The following CDCP1 variants were observed in gnomAD, a reference collection of about 807,000 sequenced individuals.
CDCP1 encodes the protein CUB domain containing protein 1, also known as CUB domain-containing protein 1.
CDCP1 carries 29 observed loss-of-function variants against 60.2 expected under a neutral mutation model. The ratio of observed to expected loss-of-function variants is 0.48; its 90% CI spans 0.36 to 0.66. CDCP1 has a LOEUF of 0.66. Ranked by LOEUF, CDCP1 falls within the 30% of genes least tolerant of loss-of-function variation. The pLI, the probability that CDCP1 is intolerant of heterozygous loss-of-function variation, is 0.00. For missense variants in CDCP1, 876 were observed against 1,074.3 expected, an observed-to-expected ratio of 0.82 and a Z score of 2.58; for synonymous variants, 387 against 431.1, an observed-to-expected ratio of 0.90 and a Z score of 1.27.
chr3:45,092,402 G>C (rs1187884515), intron 6 of CDCP1, among the ~76,000 whole-genome samples: 1 of 152,154 alleles, frequency 6.6e-6, no homozygotes, highest in Non-Finnish European at 1.5e-5. Flanking sequence ...AAAGCTGAAA[G>C]AGCTCCTGAC....
At chr3:45,137,388 C>T (rs1576122768) in intron 1 of CDCP1, among the ~76,000 whole-genome samples, 1 of 152,144 alleles carries the variant, frequency 6.6e-6, no homozygotes, top group South Asian at 2.1e-4. Context: ...CTGCCTGGAA[C>T]TTGAGTTGTA....
chr3:45,113,823 G>A (rs7638635), intron 2 of CDCP1, among the ~76,000 whole-genome samples: 24,371 of 152,204 alleles, frequency 0.16, 1,972 homozygotes, highest in Middle Eastern at 0.25. Flanking sequence ...TAGACTTTGC[G>A]TGTTAGTAAA....
intron 1 of CDCP1, among the ~76,000 whole-genome samples, chr3:45,124,907 C>G (rs543810158): frequency 6.6e-6 from 1 of 152,102 alleles, no homozygotes; most frequent in Non-Finnish European, 1.5e-5. Flanking sequence ...CTGCAGGGAG[C>G]GAGTGTTGAA....
intron 1 of CDCP1, among the ~76,000 whole-genome samples, chr3:45,135,351 G>A (rs1393765286): frequency 6.6e-6 from 1 of 151,910 alleles, no homozygotes; most frequent in East Asian, 2.0e-4. Context: ...GAGAGATTGT[G>A]GGGCAGAGCA....
At chr3:45,124,010 T>G (rs76234383) in intron 1 of CDCP1, among the ~76,000 whole-genome samples, 5,382 of 152,290 alleles carry the variant, frequency 0.035, 301 homozygotes, top group African/African-American at 0.12. Flanking sequence ...TCAGCTCTCC[T>G]GCCTCCTGAC....
chr3:45,090,707 T>C (rs77543320), intron 7 of CDCP1, among the ~76,000 whole-genome samples: 1 of 152,154 alleles, frequency 6.6e-6, no homozygotes, highest in Non-Finnish European at 1.5e-5. Flanking sequence ...CCTAAAAGTA[T>C]CAAAAGACCT....
chr3:45,096,227 C>T (rs1423316553), intron 4 of CDCP1, among the ~76,000 whole-genome samples: 12 of 152,158 alleles, frequency 7.9e-5, no homozygotes, highest in Admixed American at 7.2e-4. Flanking sequence ...TGAGTGCCCA[C>T]GTTTAACTGC....
chr3:45,103,057 T>A (rs1467802157), intron 4 of CDCP1, among the ~76,000 whole-genome samples: 1 of 152,140 alleles, frequency 6.6e-6, no homozygotes, highest in African/African-American at 2.4e-5. Flanking sequence ...GTTATATCCA[T>A]TGTATCAATC....
intron 2 of CDCP1, among the ~76,000 whole-genome samples, chr3:45,115,241 T>C (rs867030635): frequency 1.3e-4 from 1 of 7,654 alleles, no homozygotes. Context: ...TGGGGTGGGG[T>C]GGGGCGGGGA....
intron 4 of CDCP1, among the ~76,000 whole-genome samples, chr3:45,106,363 C>T (rs1698565474): frequency 6.6e-6 from 1 of 152,188 alleles, no homozygotes; most frequent in Admixed American, 6.5e-5. Context: ...TCTGCCTTTG[C>T]TCTTATTTCT....
At chr3:45,142,271 A>T (rs1699303413) in intron 1 of CDCP1, among the ~76,000 whole-genome samples, 1 of 151,734 alleles carries the variant, frequency 6.6e-6, no homozygotes, top group African/African-American at 2.4e-5. Context: ...TCCTCTCCCT[A>T]CCCACTCCCC....
chr3:45,132,793 A>G (rs546068854), intron 1 of CDCP1, among the ~76,000 whole-genome samples: 1 of 152,326 alleles, frequency 6.6e-6, no homozygotes, highest in Non-Finnish European at 1.5e-5. Flanking sequence ...GATCATTACC[A>G]TTCCGACAGA....
In CDCP1 at chr3:45,146,236, G is replaced by T. The variant is rs78109643; in HGVS notation, c.52C>A (p.Leu18Met). The change falls in exon 1 of 9, where the codon CTG becomes ATG. Residue 18 changes from leucine to methionine, a missense_variant. By Grantham distance (15) the Leu-to-Met change is conservative. This residue lies in a region of CDCP1 where 150 missense variants were observed against 138.6 expected (regional missense o/e 1.08). Coordinates refer to ENST00000296129, the MANE Select transcript of CDCP1 (RefSeq NM_022842.5). ...VSIALLGVLL[L>M]GAARLPRGAE... is the part of the protein sequence containing the mutation. ...CCGCGCGGCAGGCGCGCCGCACCCA[G>T]CAGCAGAACCCCTAGCAGTGCGATA... is the stretch of plus-strand genomic sequence containing the variant. The T allele has an allele frequency of 1.3e-4, 204 of 1,598,692 alleles. No individual in the cohort carries two copies. In the East Asian group the frequency reaches 4.3e-3, roughly 34 times the overall value.
At position 45,090,265 on chromosome 3, in the gene CDCP1, G is replaced by A. The variant is rs534042318; in HGVS notation, c.1993+908C>T. Among the ~76,000 whole-genome samples the A allele has an allele frequency of 1.2e-4, 18 of 152,122 alleles. No individual in the cohort carries two copies. The South Asian group carries it at 3.1e-3, about 26-fold the overall frequency. ...TTCTGATTCTGACACTGTGATGCTC[G>A]GTGCCTTCACTGAGTAAAGGGCAGA... On this transcript the variant is annotated intron_variant, in intron 7 of 8. Transcript: ENST00000296129.
At chr3:45,107,921 A>G (rs1326811814) in intron 4 of CDCP1, among the ~76,000 whole-genome samples, 2 of 152,138 alleles carry the variant, frequency 1.3e-5, no homozygotes, top group African/African-American at 2.4e-5. Context: ...GTTCAAGACC[A>G]GGCTGGCCAA....
intron 1 of CDCP1, among the ~76,000 whole-genome samples, chr3:45,130,537 C>T (rs977558858): frequency 2.0e-5 from 3 of 152,204 alleles, no homozygotes; most frequent in Non-Finnish European, 2.9e-5. Flanking sequence ...CCTTCTGAGT[C>T]GATCTTTGTG....
In CDCP1 at chr3:45,125,068, C is replaced by G. The variant is rs78964699; in HGVS notation, c.83-6447G>C. 2.0e-3 allele frequency among the ~76,000 whole-genome samples: 299 copies of G among 152,214 alleles called. 1 individual carries two copies. The highest frequency in any genetic ancestry group is 0.014 in the East Asian group (72 of 5,186). On this transcript the variant is annotated intron_variant, in intron 1 of 8. Coordinates refer to ENST00000296129, the MANE Select transcript of CDCP1 (RefSeq NM_022842.5). ...TGGTCAAGGAGGGCTTCACAGAAGG[C>G]GTATGACTTAAGATGGGTCTAAAAG...
intron 4 of CDCP1, among the ~76,000 whole-genome samples, chr3:45,099,904 A>T (rs1303716277): frequency 6.6e-6 from 1 of 152,028 alleles, no homozygotes; most frequent in African/African-American, 2.4e-5. Flanking sequence ...TTGATAGCTG[A>T]TTTTTAGTTT....
chr3:45,125,682 T>G (rs148547624), intron 1 of CDCP1, among the ~76,000 whole-genome samples: 1 of 152,176 alleles, frequency 6.6e-6, no homozygotes, highest in Non-Finnish European at 1.5e-5. Flanking sequence ...GTCTAAAGCC[T>G]ACAGTCCTGG....
Sources: allele counts gnomAD v4.1 joint callset (sites outside exome capture counted in the v4.1 genomes callset), GRCh38; gene constraint gnomAD v4.1.1; regional missense constraint gnomAD v4.1.1; transcripts MANE v1.5; gene names NCBI Gene and HGNC (gene_info 2026-07-23, HGNC 2026-07-21).